The following GRID2IP variants were observed in gnomAD, a reference collection of about 807,000 sequenced individuals.
GRID2IP encodes the protein Grid2 interacting protein, also known as delphilin.
In GRID2IP, 78 loss-of-function variants were observed where a neutral mutation model predicts 114.3. The observed-to-expected ratio is 0.68, with a 90% CI of 0.57 to 0.82. The LOEUF is 0.82. Among genes scored for constraint, GRID2IP ranks in the 40% least tolerant of loss-of-function variants. The probability of loss-of-function intolerance (pLI) is 0.00; values close to 1 mark genes in which losing one functional copy is unlikely to be tolerated. For synonymous variants in GRID2IP, 809 were observed against 724.0 expected, an observed-to-expected ratio of 1.12 and a Z score of -1.89; for missense variants, 1,727 against 1,678.5, an observed-to-expected ratio of 1.03 and a Z score of -0.51.
In GRID2IP at chr7:6,526,899, T is replaced by TG. The variant is rs1333988699; in HGVS notation, c.585-131dup. 2.1e-5 allele frequency: 23 copies of TG among 1,098,678 alleles called. No homozygotes were observed. Among genetic ancestry groups the TG allele is most frequent in the Non-Finnish European group, 2.6e-5 (22 of 832,316 alleles). 68.1% of individuals were successfully genotyped at this position (1,098,678 alleles called of 1,614,324 possible). A position where few individuals can be genotyped will look rare whatever the true frequency, so the allele number is the denominator to read the frequency against. On this transcript the variant is annotated intron_variant, in intron 2 of 21. Transcript: ENST00000457091. This position sits in a 1 kb window ranked among gnomAD's most constrained non-coding sequence, Gnocchi z 7.6. ...CCTCTTCCTAGGAGTGGCGGAGGGC[T>TG]GGGGGGATCGGGATGAGCAGCCGGT...
chr7:6,526,377 T>A lies in GRID2IP; in HGVS notation c.834-68A>T. The A allele has an allele frequency of 6.7e-7, 1 of 1,501,780 alleles. No individual in the cohort carries two copies. Among genetic ancestry groups the A allele is most frequent in the South Asian group, 1.2e-5 (1 of 83,088 alleles). The allele number at this position is 1,501,780 out of a possible 1,614,324, so 93.0% of individuals were successfully genotyped here. On this transcript the variant is annotated intron_variant, in intron 3 of 21. Transcript: ENST00000457091. The surrounding 1 kb of genome is among the most constrained non-coding windows in gnomAD (Gnocchi z 7.6). ...CCCTGGGGCGCAGAGGTTGGAGATG[T>A]CCCGTGTCCCTCTCCCCTTAACCTC...
chr7:6,547,022 A>G (rs1335676717), intron 1 of GRID2IP, among the ~76,000 whole-genome samples: 1 of 152,194 alleles, frequency 6.6e-6, no homozygotes, highest in Non-Finnish European at 1.5e-5. Flanking sequence ...CAGTGTACCT[A>G]GTTCTGCCCA....
chr7:6,522,401 T>A (rs1779428905), intron 4 of GRID2IP, among the ~76,000 whole-genome samples: 1 of 152,126 alleles, frequency 6.6e-6, no homozygotes, highest in African/African-American at 2.4e-5. Context: ...GCATCAGTAC[T>A]TCTTGAGTCC....
chr7:6,520,833 T>G lies in GRID2IP; in HGVS notation c.1085-72A>C, dbSNP rs533522071. 363 of 1,432,978 alleles carry G rather than the reference T, an allele frequency of 2.5e-4. 3 individuals are homozygous for G. In the South Asian group the frequency reaches 4.4e-3, roughly 17 times the overall value. 88.8% of individuals were successfully genotyped at this position (1,432,978 alleles called of 1,614,324 possible). A position where few individuals can be genotyped will look rare whatever the true frequency, so the allele number is the denominator to read the frequency against. ...AGGCCAGGTGTAGTCTCCCTGGCTT[T>G]TGAGGTCAGGAGACCTCCTGAGCTG... On this transcript the variant is annotated intron_variant, in intron 6 of 21. Coordinates refer to ENST00000457091, the MANE Select transcript of GRID2IP (RefSeq NM_001145118.2). The surrounding 1 kb of genome is among the most constrained non-coding windows in gnomAD (Gnocchi z 4.6).
At chr7:6,498,936 T>C (rs1218949835) in intron 20 of GRID2IP, among the ~76,000 whole-genome samples, 1 of 152,148 alleles carries the variant, frequency 6.6e-6, no homozygotes, top group East Asian at 1.9e-4. Context: ...AAATTGTTCA[T>C]AAGTTCATTT....
rs1056303842 is a variant in GRID2IP, at chr7:6,509,005, C to T, written c.2080G>A (p.Val694Ile). Residue 694 changes from valine to isoleucine, a missense_variant, in exon 12 of 22, where the codon GTC becomes ATC. Val to Ile is a conservative substitution (Grantham distance 29, BLOSUM62 3). Transcript: ENST00000457091. The surrounding 1 kb of genome is among the most constrained non-coding windows in gnomAD (Gnocchi z 4.9). ...GTCAGGAAATCATCCACGATGGTGA[C>T]CCGGGGGCCCAGCTGCTCGCTCAGC... ...DVLSEQLGPR[V>I]TIVDDFLTPE... is the part of the protein sequence containing the mutation. The T allele has an allele frequency of 7.1e-6, 11 of 1,548,190 alleles. No individual in the cohort carries two copies. In the Admixed American group the frequency reaches 2.2e-4, roughly 30 times the overall value.
At chr7:6,550,976 T>TCCCCCC in intron 1 of GRID2IP, 32 bp downstream of exon 1, 2 of 1,015,786 alleles carry the variant, frequency 2.0e-6, no homozygotes, top group Non-Finnish European at 2.5e-6. Flanking sequence ...GCCCCCTCCT[T>TCCCCCC]CCCGCCCCCA....
intron 1 of GRID2IP, among the ~76,000 whole-genome samples, chr7:6,550,136 C>T (rs1205693786): frequency 2.6e-5 from 4 of 152,020 alleles, no homozygotes; most frequent in African/African-American, 7.2e-5. Flanking sequence ...GACTATAAGG[C>T]ATGCACCACC....
intron 1 of GRID2IP, among the ~76,000 whole-genome samples, chr7:6,549,358 C>T (rs1474313686): frequency 2.0e-5 from 3 of 152,248 alleles, no homozygotes; most frequent in South Asian, 2.1e-4. Context: ...TGACTCAGGC[C>T]TTGGGTTCTT....
At position 6,516,376 on chromosome 7, in the gene GRID2IP, A is replaced by T. The variant is rs185008083; in HGVS notation, c.1269-1847T>A. ...GCATTACTGTTTATTCCAATATTAT[A>T]ATAATCTTTGTCCTACAATTATAAC... is the stretch of plus-strand genomic sequence containing the variant. On this transcript the variant is annotated intron_variant, in intron 7 of 21. Coordinates refer to ENST00000457091, the MANE Select transcript of GRID2IP (RefSeq NM_001145118.2). The surrounding 1 kb of genome is among the most constrained non-coding windows in gnomAD (Gnocchi z 4.3). Among the ~76,000 whole-genome samples the T allele has an allele frequency of 3.8e-4, 58 of 152,210 alleles. No homozygotes were observed. The highest frequency in any genetic ancestry group is 1.4e-3 in the African/African-American group (58 of 41,454).
At chr7:6,511,668 C>T (rs1419268200) in intron 8 of GRID2IP, among the ~76,000 whole-genome samples, 9 of 151,540 alleles carry the variant, frequency 5.9e-5, no homozygotes, top group South Asian at 2.1e-4. Flanking sequence ...CCACTGCTCC[C>T]GGCCAAAATA....
rs1044641165 is a variant in GRID2IP, at chr7:6,516,830, C to G, written c.1269-2301G>C. On this transcript the variant is annotated intron_variant, in intron 7 of 21. Coordinates refer to ENST00000457091, the MANE Select transcript of GRID2IP (RefSeq NM_001145118.2). The surrounding 1 kb of genome is among the most constrained non-coding windows in gnomAD (Gnocchi z 4.3). ...TAAGCTGTCCCCTCTTTCTCTCCGCCTCAGCTACCAAATAGGGAAGGGCCC... is the reference window on the plus strand; with the variant it reads ...TAAGCTGTCCCCTCTTTCTCTCCGCGTCAGCTACCAAATAGGGAAGGGCCC... Among the ~76,000 whole-genome samples the G allele has an allele frequency of 6.6e-6, 1 of 152,148 alleles. No homozygotes were observed. Among genetic ancestry groups the G allele is most frequent in the Non-Finnish European group, 1.5e-5 (1 of 68,024 alleles).
In GRID2IP at chr7:6,503,088, CCT is replaced by C; in HGVS notation, c.2981_2982del (p.Glu994GlyfsTer7). Reference sequence around the variant, plus strand: ...AAGCATTCAAGGCTGCCTCGGATCTCCTCTGTCTTCTCCTGGAGGGTGGCCTG... The same window carrying C: ...AAGCATTCAAGGCTGCCTCGGATCTCCTGTCTTCTCCTGGAGGGTGGCCTG... ...HFQATLQEKT[E>X]EIRGSLECLR... On this transcript the variant is annotated frameshift_variant, in exon 17 of 22. Coordinates refer to ENST00000457091, the MANE Select transcript of GRID2IP (RefSeq NM_001145118.2). LOFTEE classifies it high-confidence loss of function. The C allele has an allele frequency of 6.4e-7, 1 of 1,551,442 alleles. No homozygotes were observed. The highest frequency in any genetic ancestry group is 1.4e-5 in the African/African-American group (1 of 73,182).
rs1002835555 is a variant in GRID2IP at position 6,512,231 on chromosome 7, C to CTTTTTTTTTTTTTTTTT, written c.1424-1209_1424-1193dup. Among the ~76,000 whole-genome samples the CTTTTTTTTTTTTTTTTT allele has an allele frequency of 5.1e-3, 462 of 90,172 alleles. 51 individuals carry two copies. Among genetic ancestry groups the CTTTTTTTTTTTTTTTTT allele is most frequent in the African/African-American group, 8.4e-3 (182 of 21,702 alleles). The allele number at this position is 90,172 out of a possible 152,430, so 59.2% of individuals were successfully genotyped here. A position where few individuals can be genotyped will look rare whatever the true frequency, so the allele number is the denominator to read the frequency against. On this transcript the variant is annotated intron_variant, in intron 8 of 21. Coordinates refer to ENST00000457091, the MANE Select transcript of GRID2IP (RefSeq NM_001145118.2). Reference sequence around the variant, plus strand: ...CACACCTGCCTTTTTTTCTTTTCTTCTTTTTTTTTTTTTTTTTTGTGACAG... The same window carrying CTTTTTTTTTTTTTTTTT: ...CACACCTGCCTTTTTTTCTTTTCTTCTTTTTTTTTTTTTTTTTTTTTTTTTTTTTTTTTTTGTGACAG...
At chr7:6,513,705 G>A (rs1779228190) in intron 8 of GRID2IP, among the ~76,000 whole-genome samples, 1 of 152,244 alleles carries the variant, frequency 6.6e-6, no homozygotes, top group African/African-American at 2.4e-5. Flanking sequence ...GGGGCCACGT[G>A]TGGGCCTAGC....
intron 1 of GRID2IP, among the ~76,000 whole-genome samples, chr7:6,544,671 C>G (rs561947041): frequency 3.3e-4 from 50 of 152,272 alleles, no homozygotes; most frequent in African/African-American, 1.2e-3. Context: ...AAATAACAAG[C>G]TGGGCACAGC....
rs1779378880 is a variant in GRID2IP at position 6,519,779 on chromosome 7, A to G, written c.1268+799T>C. Among the ~76,000 whole-genome samples the G allele has an allele frequency of 6.6e-6, 1 of 152,138 alleles. No individual in the cohort carries two copies. Among genetic ancestry groups the G allele is most frequent in the South Asian group, 2.1e-4 (1 of 4,832 alleles). On this transcript the variant is annotated intron_variant, in intron 7 of 21. Coordinates refer to ENST00000457091, the MANE Select transcript of GRID2IP (RefSeq NM_001145118.2). The surrounding 1 kb of genome is among the most constrained non-coding windows in gnomAD (Gnocchi z 4.1). ...TCTCAAAAAACAAAAACAAAAATAA[A>G]AAACCCTTCAAACAAAACAAAAAGG...
At position 6,534,922 on chromosome 7, in the gene GRID2IP, G is replaced by A. The variant is rs1779698843; in HGVS notation, c.584+4796C>T. ...TATTTTGAGATAGAGTTTCACTCCT[G>A]TTGCCCAGGCTGGAGTGCAATGGCA... is the stretch of plus-strand genomic sequence containing the variant. On this transcript the variant is annotated intron_variant, in intron 2 of 21. Coordinates refer to ENST00000457091, the MANE Select transcript of GRID2IP (RefSeq NM_001145118.2). This position sits in a 1 kb window ranked among gnomAD's most constrained non-coding sequence, Gnocchi z 4.5. Among the ~76,000 whole-genome samples the A allele has an allele frequency of 6.6e-6, 1 of 152,108 alleles. No individual in the cohort carries two copies. The highest frequency in any genetic ancestry group is 1.5e-5 in the Non-Finnish European group (1 of 68,034).
intron 1 of GRID2IP, among the ~76,000 whole-genome samples, chr7:6,542,659 C>T (rs1779831640): frequency 6.6e-6 from 1 of 151,922 alleles, no homozygotes; most frequent in South Asian, 2.1e-4. Flanking sequence ...GACCCCATTT[C>T]AATAAATAAA....
Sources: gnomAD v4.1 joint callset for allele counts (sites outside exome capture counted in the v4.1 genomes callset) on GRCh38, gnomAD v4.1.1 for gene constraint, Gnocchi (gnomAD v3.1) non-coding constraint, MANE v1.5 for transcripts, NCBI Gene and HGNC (gene_info 2026-07-23, HGNC 2026-07-21) for gene names.